The following FTCDNL1 variants were observed in gnomAD, a reference collection of about 807,000 sequenced individuals.
FTCDNL1 encodes the protein formiminotransferase N-terminal subdomain-containing protein.
In FTCDNL1, 11 loss-of-function variants were observed where a neutral mutation model predicts 5.9. The ratio of observed to expected loss-of-function variants is 1.87; its 90% CI spans 1.18 to 3.10. The LOEUF is 3.10. FTCDNL1 is among the 30% of genes most tolerant of loss of function. The pLI, the probability that FTCDNL1 is intolerant of heterozygous loss-of-function variation, is 0.00. For synonymous variants in FTCDNL1, 58 were observed against 24.8 expected (o/e 2.34, Z -3.99); for missense variants, 115 against 65.5 (o/e 1.76, Z -2.61).
At chr2:199,807,827 T>C (rs1007765712), downstream of FTCDNL1, among the ~76,000 whole-genome samples, 7 of 152,298 alleles carry the variant, frequency 4.6e-5, no homozygotes, top group South Asian at 6.2e-4. Context: ...TATTAGTAGA[T>C]AACAGAAATT....
chr2:199,705,702 T>C, the FTCDNL1 span, among the ~76,000 whole-genome samples: 1 of 152,194 alleles, frequency 6.6e-6, no homozygotes, highest in Non-Finnish European at 1.5e-5. Context: ...TAGCTGTAGA[T>C]TGTGTGTAGA....
At chr2:199,760,287 C>G (rs1447786996), downstream of FTCDNL1, among the ~76,000 whole-genome samples, 1 of 151,438 alleles carries the variant, frequency 6.6e-6, no homozygotes, top group Non-Finnish European at 1.5e-5. Context: ...ACCCAACTTT[C>G]CCATAACAGA....
chr2:199,789,884 G>A (rs1454290279), intron 3 of FTCDNL1, among the ~76,000 whole-genome samples: 2 of 152,006 alleles, frequency 1.3e-5, no homozygotes, highest in Non-Finnish European at 2.9e-5. Flanking sequence ...TTGGAATAAA[G>A]TTTCCAAGAA....
At chr2:199,718,000 C>CA in the FTCDNL1 span, among the ~76,000 whole-genome samples, 6 of 122,338 alleles carry the variant, frequency 4.9e-5, no homozygotes, top group Non-Finnish European at 1.1e-4. Flanking sequence ...AAAAAAAAAA[C>CA]AAAAAAAACG....
chr2:199,708,409 A>T, the FTCDNL1 span, among the ~76,000 whole-genome samples: 2 of 152,054 alleles, frequency 1.3e-5, no homozygotes, highest in Non-Finnish European at 2.9e-5. Context: ...TGTCCTGGTT[A>T]TGGATCAGAT....
chr2:199,820,844 C>T (rs1235618875), intron 3 of FTCDNL1, among the ~76,000 whole-genome samples: 4 of 152,164 alleles, frequency 2.6e-5, no homozygotes, highest in Non-Finnish European at 5.9e-5. Context: ...AGATGGCATA[C>T]ATTTTTGTCT....
At chr2:199,797,624 G>A (rs1700236951) in intron 3 of FTCDNL1, among the ~76,000 whole-genome samples, 1 of 152,172 alleles carries the variant, frequency 6.6e-6, no homozygotes, top group South Asian at 2.1e-4. Flanking sequence ...GATGGAGACT[G>A]TCTTTTATTG....
intron 3 of FTCDNL1, among the ~76,000 whole-genome samples, chr2:199,781,872 C>T (rs538652074): frequency 1.6e-3 from 247 of 152,212 alleles, no homozygotes; most frequent in Admixed American, 2.7e-3. Context: ...CTCCGCCTCC[C>T]GGGTTCACAC....
intron 3 of FTCDNL1, among the ~76,000 whole-genome samples, chr2:199,827,131 T>C (rs1008514535): frequency 6.6e-6 from 1 of 152,144 alleles, no homozygotes; most frequent in Non-Finnish European, 1.5e-5. Flanking sequence ...CAGCCCACAT[T>C]TGAAGAATTC....
intron 3 of FTCDNL1, among the ~76,000 whole-genome samples, chr2:199,823,333 C>T (rs1426739155): frequency 1.3e-5 from 2 of 152,142 alleles, no homozygotes; most frequent in Non-Finnish European, 2.9e-5. Context: ...ACTTTGACTT[C>T]CCCCCAAGAA....
the FTCDNL1 span, among the ~76,000 whole-genome samples, chr2:199,753,390 C>A: frequency 6.6e-6 from 1 of 152,232 alleles, no homozygotes; most frequent in Non-Finnish European, 1.5e-5. Flanking sequence ...CAGGGCCATG[C>A]TGTACAGGAG....
chr2:199,723,442 G>C, the FTCDNL1 span, among the ~76,000 whole-genome samples: 1 of 152,122 alleles, frequency 6.6e-6, no homozygotes, highest in Non-Finnish European at 1.5e-5. Context: ...TGGCAAGAGA[G>C]GGCCGCCTTA....
At position 199,811,319 on chromosome 2, in the gene FTCDNL1, C is replaced by T. The variant is rs1347642695; in HGVS notation, c.*1386G>A. Among the ~76,000 whole-genome samples the T allele has an allele frequency of 6.6e-6, 1 of 152,126 alleles. No homozygotes were observed. The highest frequency in any genetic ancestry group is 1.5e-5 in the Non-Finnish European group (1 of 68,020). On this transcript the variant is annotated 3_prime_UTR_variant, in exon 5 of 5. Transcript: ENST00000420128. ...ACAGAAAACTTCCAAACATTTTTCT[C>T]TCATTTACCCCCCAATAAGTCATGT...
At chr2:199,724,019 T>C in the FTCDNL1 span, among the ~76,000 whole-genome samples, 1 of 152,148 alleles carries the variant, frequency 6.6e-6, no homozygotes, top group Non-Finnish European at 1.5e-5. Flanking sequence ...GGTCCTGGGC[T>C]TTTTTTGGTT....
chr2:199,666,847 G>T, the FTCDNL1 span, among the ~76,000 whole-genome samples: 1 of 151,390 alleles, frequency 6.6e-6, no homozygotes, highest in Non-Finnish European at 1.5e-5. Context: ...AGGAGGCGAG[G>T]TTGCAGTGAG....
the FTCDNL1 span, among the ~76,000 whole-genome samples, chr2:199,723,599 G>A: frequency 6.6e-6 from 1 of 152,020 alleles, no homozygotes; most frequent in South Asian, 2.1e-4. Flanking sequence ...ATGAGGGGAC[G>A]TTCATTTTTA....
the FTCDNL1 span, among the ~76,000 whole-genome samples, chr2:199,687,589 T>C: frequency 6.6e-6 from 1 of 152,110 alleles, no homozygotes; most frequent in Non-Finnish European, 1.5e-5. Flanking sequence ...CACCTGGAGG[T>C]AGAAGTTGTA....
the FTCDNL1 span, among the ~76,000 whole-genome samples, chr2:199,741,000 A>G: frequency 1.3e-5 from 2 of 152,128 alleles, no homozygotes; most frequent in Non-Finnish European, 2.9e-5. Context: ...TTCACAGATC[A>G]CAAAGAACGG....
intron 3 of FTCDNL1, among the ~76,000 whole-genome samples, chr2:199,840,316 T>C (rs966065781): frequency 6.6e-6 from 1 of 152,200 alleles, no homozygotes; most frequent in Admixed American, 6.5e-5. Flanking sequence ...TATAAAGTTA[T>C]GCAGAAAAGG....
Sources: allele counts gnomAD v4.1 joint callset (sites outside exome capture counted in the v4.1 genomes callset), GRCh38; gene constraint gnomAD v4.1.1; transcripts MANE v1.5; gene names NCBI Gene and HGNC (gene_info 2026-07-23, HGNC 2026-07-21).